The following FRMD6 variants were observed in gnomAD, a reference collection of about 807,000 sequenced individuals.
The protein encoded by FRMD6 is FERM domain-containing protein 6.
FRMD6 carries 37 observed loss-of-function variants against 73.2 expected under a neutral mutation model. The observed-to-expected ratio is 0.51, with a 90% CI of 0.39 to 0.66. The LOEUF is 0.66. FRMD6 is among the 30% of genes least tolerant of loss of function. The pLI is 0.00. For synonymous variants in FRMD6, 273 were observed against 282.2 expected, an observed-to-expected ratio of 0.97 and a Z score of 0.33; for missense variants, 714 against 780.5, an observed-to-expected ratio of 0.91 and a Z score of 1.02.
the FRMD6 span, among the ~76,000 whole-genome samples, chr14:51,405,700 T>C: frequency 6.6e-6 from 1 of 152,178 alleles, no homozygotes; most frequent in Admixed American, 6.6e-5. Flanking sequence ...CTCTTGTATA[T>C]TTGTTTAAAT....
At chr14:51,578,894 C>T (rs371786532) in intron 2 of FRMD6, 2 of 152,206 alleles carry the variant, frequency 1.3e-5, no homozygotes, top group East Asian at 3.8e-4. Context: ...AGTTAAATGA[C>T]CTTGAAGGCC....
At chr14:51,618,722 A>G (rs772997763) in intron 2 of FRMD6, among the ~76,000 whole-genome samples, 2 of 152,140 alleles carry the variant, frequency 1.3e-5, no homozygotes, top group Non-Finnish European at 2.9e-5. Flanking sequence ...TGAGGAATCT[A>G]TAGGAGAAAC....
intron 2 of FRMD6, among the ~76,000 whole-genome samples, chr14:51,604,528 A>C (rs1890168456): frequency 6.6e-6 from 1 of 152,182 alleles, no homozygotes; most frequent in African/African-American, 2.4e-5. Context: ...AAATCATTGG[A>C]TATAATTGGG....
the FRMD6 span, among the ~76,000 whole-genome samples, chr14:51,447,755 G>A: frequency 6.6e-6 from 1 of 152,164 alleles, no homozygotes; most frequent in African/African-American, 2.4e-5. Flanking sequence ...CTCCCCAGCT[G>A]TCTCAATCCT....
At chr14:51,609,286 A>G (rs541214541) in intron 2 of FRMD6, among the ~76,000 whole-genome samples, 10 of 152,244 alleles carry the variant, frequency 6.6e-5, no homozygotes, top group African/African-American at 2.4e-4. Flanking sequence ...TTGCATCAAT[A>G]TTATCGTTGT....
At chr14:51,651,581 G>C (rs1594657967), upstream of FRMD6, 1 of 152,280 alleles carries the variant, frequency 6.6e-6, no homozygotes, top group Non-Finnish European at 1.5e-5. Flanking sequence ...TGATCGCCGT[G>C]GTCCACACCA....
At chr14:51,509,979 A>G (rs548732488) in intron 1 of FRMD6, among the ~76,000 whole-genome samples, 1 of 152,362 alleles carries the variant, frequency 6.6e-6, no homozygotes, top group African/African-American at 2.4e-5. Context: ...GAGGCGGTCC[A>G]AGATTATTTT....
rs1043247991 is a variant in FRMD6, at chr14:51,668,559, G to A, written c.-147+16563G>A. 9.9e-5 allele frequency among the ~76,000 whole-genome samples: 15 copies of A among 152,226 alleles called. No individual in the cohort carries two copies. The East Asian group carries it at 2.5e-3, about 25-fold the overall frequency. ...GGCCTCAAGTGATCTGCCCACCTTA[G>A]CCTCCCAAAGTGCTGGGATTACAGG... On this transcript the variant is annotated intron_variant, in intron 1 of 13. Transcript: ENST00000344768.
intron 1 of FRMD6, among the ~76,000 whole-genome samples, chr14:51,511,404 G>A (rs1253015882): frequency 6.6e-6 from 1 of 152,216 alleles, no homozygotes; most frequent in East Asian, 1.9e-4. Flanking sequence ...GCAAAGTGAT[G>A]TATTAGGATA....
chr14:51,519,810 A>G (rs1318862403), intron 1 of FRMD6, among the ~76,000 whole-genome samples: 1 of 152,206 alleles, frequency 6.6e-6, no homozygotes. Context: ...TGGGGGCCCT[A>G]TCACCAGTAG....
intron 1 of FRMD6, among the ~76,000 whole-genome samples, chr14:51,550,551 A>G (rs968001750): frequency 1.0e-4 from 15 of 149,830 alleles, no homozygotes; most frequent in Non-Finnish European, 2.2e-4. Context: ...TGCCAGTGCC[A>G]GCCTCATCAG....
chr14:51,626,511 AAT>A (rs1287115294), intron 2 of FRMD6, among the ~76,000 whole-genome samples: 1 of 152,210 alleles, frequency 6.6e-6, no homozygotes, highest in Non-Finnish European at 1.5e-5. Context: ...TAGGAATAAG[AAT>A]ACCTACTTTG....
At chr14:51,709,893 G>T (rs4609756) in intron 7 of FRMD6, among the ~76,000 whole-genome samples, 16,030 of 152,048 alleles carry the variant, frequency 0.11, 1,063 homozygotes, top group Non-Finnish European at 0.16. Flanking sequence ...CTATAATCCT[G>T]AGCTGTCTAT....
the FRMD6 span, among the ~76,000 whole-genome samples, chr14:51,475,918 CACGTGCTTACATGCTGA>C: frequency 6.6e-6 from 1 of 152,042 alleles, no homozygotes; most frequent in African/African-American, 2.4e-5. Context: ...AGCATGTAAG[CACGTGCTTACATGCTGA>C]ACCAGAGAAG....
chr14:51,472,336 C>T, the FRMD6 span, among the ~76,000 whole-genome samples: 1 of 152,096 alleles, frequency 6.6e-6, no homozygotes, highest in Non-Finnish European at 1.5e-5. Flanking sequence ...CGGAGTCTCT[C>T]TCTGTCGCCC....
At chr14:51,534,884 C>T (rs1885789926) in intron 1 of FRMD6, among the ~76,000 whole-genome samples, 1 of 152,168 alleles carries the variant, frequency 6.6e-6, no homozygotes, top group Non-Finnish European at 1.5e-5. Flanking sequence ...GAAGTATGTG[C>T]CAGGTACTCT....
intron 1 of FRMD6, among the ~76,000 whole-genome samples, chr14:51,675,863 C>T (rs1393823558): frequency 6.6e-6 from 1 of 152,010 alleles, no homozygotes; most frequent in Non-Finnish European, 1.5e-5. Context: ...ATCTTATCCC[C>T]ATAATTTATG....
At chr14:51,625,774 C>T (rs1891091858) in intron 2 of FRMD6, among the ~76,000 whole-genome samples, 1 of 151,858 alleles carries the variant, frequency 6.6e-6, no homozygotes, top group African/African-American at 2.4e-5. Context: ...CCACCTAGAT[C>T]TCACATCATT....
the FRMD6 span, among the ~76,000 whole-genome samples, chr14:51,435,605 C>A: frequency 6.6e-6 from 1 of 152,094 alleles, no homozygotes; most frequent in East Asian, 1.9e-4. Flanking sequence ...AAATCATATT[C>A]AAAACTATTA....
Sources: gnomAD v4.1 joint callset for allele counts (sites outside exome capture counted in the v4.1 genomes callset) on GRCh38, gnomAD v4.1.1 for gene constraint, MANE v1.5 for transcripts, NCBI Gene and HGNC (gene_info 2026-07-23, HGNC 2026-07-21) for gene names.